Variants in GALNTL6 observed in about 807,000 individuals in gnomAD.
The protein encoded by GALNTL6 is polypeptide N-acetylgalactosaminyltransferase like 6, also known as polypeptide N-acetylgalactosaminyltransferase-like 6.
GALNTL6 carries 46 observed loss-of-function variants against 73.7 expected under a neutral mutation model. That is an observed-to-expected ratio of 0.62 (90% CI 0.49 to 0.80). The LOEUF (loss-of-function observed/expected upper bound fraction) is 0.80. GALNTL6 is among the 30% of genes least tolerant of loss of function. The probability of loss-of-function intolerance (pLI) is 0.00; values close to 1 mark genes in which losing one functional copy is unlikely to be tolerated. For synonymous variants in GALNTL6, 259 were observed against 263.7 expected (o/e 0.98, Z 0.17); for missense variants, 604 against 755.0 (o/e 0.80, Z 2.34).
chr4:172,436,320 GAT>G (rs1423900946), intron 5 of GALNTL6, among the ~76,000 whole-genome samples: 2 of 152,012 alleles, frequency 1.3e-5, no homozygotes, highest in African/African-American at 4.8e-5. Context: ...AAGCTCATAA[GAT>G]ATGAGATAAA....
chr4:172,096,831 T>C (rs1732370695), intron 2 of GALNTL6, among the ~76,000 whole-genome samples: 1 of 152,212 alleles, frequency 6.6e-6, no homozygotes, highest in Non-Finnish European at 1.5e-5. Flanking sequence ...ATATCCTAAT[T>C]ATCTTCCATA....
intron 5 of GALNTL6, among the ~76,000 whole-genome samples, chr4:172,488,473 G>C (rs949587870): frequency 2.0e-5 from 3 of 152,102 alleles, no homozygotes; most frequent in African/African-American, 7.2e-5. Flanking sequence ...GCCATTAGCC[G>C]GAGCATATAA....
intron 2 of GALNTL6, among the ~76,000 whole-genome samples, chr4:172,129,876 A>G (rs949324791): frequency 1.3e-5 from 2 of 152,164 alleles, no homozygotes; most frequent in Admixed American, 6.5e-5. Flanking sequence ...GGGGTTGCCA[A>G]TTTGTCTGAG....
intron 5 of GALNTL6, among the ~76,000 whole-genome samples, chr4:172,718,807 AAC>A (rs1489381292): frequency 6.6e-6 from 1 of 152,140 alleles, no homozygotes; most frequent in African/African-American, 2.4e-5. Flanking sequence ...TTTTAAAATC[AAC>A]TTTTAAAAAA....
At position 172,298,071 on chromosome 4, in the gene GALNTL6, C is replaced by G. The variant is rs192694753; in HGVS notation, c.248-13543C>G. Among the ~76,000 whole-genome samples, 257 of 152,218 alleles carry G rather than the reference C, an allele frequency of 1.7e-3. 1 individual carries two copies. The highest frequency in any genetic ancestry group is 3.4e-3 in the Middle Eastern group (1 of 294). On this transcript the variant is annotated intron_variant, in intron 3 of 12. Transcript: ENST00000506823. ...TTCTCCTTGAAGAGGTCCTTCACAT[C>G]CCTTGTAAGTTGGATTCCTAGGTAT...
At chr4:172,946,829 CTATG>C (rs1450734741) in intron 9 of GALNTL6, among the ~76,000 whole-genome samples, 5 of 152,154 alleles carry the variant, frequency 3.3e-5, no homozygotes, top group Non-Finnish European at 7.3e-5. Context: ...ACAACAGTTT[CTATG>C]TGGAGAATTA....
chr4:172,828,723 G>T (rs753731669), intron 7 of GALNTL6, among the ~76,000 whole-genome samples: 6 of 152,164 alleles, frequency 3.9e-5, no homozygotes, highest in Admixed American at 3.3e-4. Flanking sequence ...ATAACTAAAA[G>T]AAAAGATTCA....
intron 5 of GALNTL6, among the ~76,000 whole-genome samples, chr4:172,499,349 AAGTC>A (rs1734181234): frequency 6.6e-6 from 1 of 152,154 alleles, no homozygotes. Context: ...ATACAGCAAA[AAGTC>A]AGCCATCTGC....
intron 2 of GALNTL6, among the ~76,000 whole-genome samples, chr4:172,212,207 G>A (rs1483574672): frequency 6.6e-6 from 1 of 152,002 alleles, no homozygotes; most frequent in East Asian, 1.9e-4. Flanking sequence ...TGTCACCCAG[G>A]CTGGAGTGCA....
chr4:171,904,752 G>A (rs549023983), intron 2 of GALNTL6, among the ~76,000 whole-genome samples: 7 of 152,178 alleles, frequency 4.6e-5, no homozygotes, highest in Admixed American at 2.6e-4. Flanking sequence ...GAGAAAGGTC[G>A]GGTTACCCTC....
At chr4:172,923,514 T>G (rs907972554) in intron 8 of GALNTL6, among the ~76,000 whole-genome samples, 2 of 152,072 alleles carry the variant, frequency 1.3e-5, no homozygotes, top group African/African-American at 2.4e-5. Context: ...GAGAAATTCC[T>G]AAGAAATACG....
chr4:172,603,806 A>G (rs191804448), intron 5 of GALNTL6, among the ~76,000 whole-genome samples: 111 of 152,248 alleles, frequency 7.3e-4, no homozygotes, highest in Middle Eastern at 3.4e-3. Context: ...CTCATTATTC[A>G]TCTCTTTCTA....
chr4:173,014,382 T>C (rs544569648), intron 11 of GALNTL6, among the ~76,000 whole-genome samples: 2 of 151,826 alleles, frequency 1.3e-5, no homozygotes, highest in Admixed American at 1.3e-4. Context: ...ACCCCCTTGG[T>C]CTAGTTTGGC....
intron 5 of GALNTL6, among the ~76,000 whole-genome samples, chr4:172,454,517 T>G (rs942236623): frequency 4.6e-5 from 7 of 152,238 alleles, no homozygotes; most frequent in African/African-American, 1.2e-4. Flanking sequence ...TCTGGGCTCT[T>G]GCCAAATCCA....
At chr4:172,217,500 C>T (rs1202804157) in intron 2 of GALNTL6, among the ~76,000 whole-genome samples, 4 of 152,164 alleles carry the variant, frequency 2.6e-5, no homozygotes, top group African/African-American at 9.6e-5. Flanking sequence ...TTCCTATTGA[C>T]AAATCTTCAA....
chr4:172,303,895 A>G (rs1416534802), intron 3 of GALNTL6, among the ~76,000 whole-genome samples: 1 of 152,114 alleles, frequency 6.6e-6, no homozygotes, highest in African/African-American at 2.4e-5. Context: ...TATGTGTCCC[A>G]TCTCATTGTG....
At chr4:172,926,992 T>C (rs1748090918) in intron 8 of GALNTL6, among the ~76,000 whole-genome samples, 1 of 152,216 alleles carries the variant, frequency 6.6e-6, no homozygotes, top group African/African-American at 2.4e-5. Flanking sequence ...AATAAGAATT[T>C]TCTATTGCTT....
At chr4:171,926,742 T>C (rs370042083) in intron 2 of GALNTL6, among the ~76,000 whole-genome samples, 1 of 152,268 alleles carries the variant, frequency 6.6e-6, no homozygotes, top group East Asian at 1.9e-4. Context: ...TTCTTGTCCT[T>C]TTGGTTTCTT....
At chr4:172,795,803 C>T (rs1442808069) in intron 5 of GALNTL6, among the ~76,000 whole-genome samples, 1 of 151,714 alleles carries the variant, frequency 6.6e-6, no homozygotes, top group Non-Finnish European at 1.5e-5. Flanking sequence ...AGGAGTATCT[C>T]CTAAAGAAAA....
Sources: gnomAD v4.1 joint callset for allele counts (sites outside exome capture counted in the v4.1 genomes callset) on GRCh38, gnomAD v4.1.1 for gene constraint, MANE v1.5 for transcripts, NCBI Gene and HGNC (gene_info 2026-07-23, HGNC 2026-07-21) for gene names.